RCOR1: variants seen among roughly 807,000 people sequenced by gnomAD.
The protein encoded by RCOR1 is REST corepressor.
In RCOR1, 12 loss-of-function variants were observed where a neutral mutation model predicts 64.0. The ratio of observed to expected loss-of-function variants is 0.19; its 90% CI spans 0.12 to 0.30. The LOEUF (loss-of-function observed/expected upper bound fraction) is 0.30, where lower values mean the gene tolerates loss of function less well. Among genes scored for constraint, RCOR1 ranks in the 10% least tolerant of loss-of-function variants. The probability of loss-of-function intolerance (pLI) is 1.00; values close to 1 mark genes in which losing one functional copy is unlikely to be tolerated. For missense variants in RCOR1, 502 were observed against 621.2 expected, an observed-to-expected ratio of 0.81 and a Z score of 2.04; for synonymous variants, 279 against 227.2, an observed-to-expected ratio of 1.23 and a Z score of -2.05.
At chr14:102,678,435 G>T (rs2139957861) in intron 2 of RCOR1, among the ~76,000 whole-genome samples, 1 of 152,116 alleles carries the variant, frequency 6.6e-6, no homozygotes, top group East Asian at 1.9e-4. Flanking sequence ...GAGTAGCTGG[G>T]TCTGCAGGCA....
chr14:102,658,257 G>C (rs1166688424), intron 2 of RCOR1, among the ~76,000 whole-genome samples: 1 of 152,140 alleles, frequency 6.6e-6, no homozygotes, highest in African/African-American at 2.4e-5. Flanking sequence ...TTACAGGTGT[G>C]AGCCACTGTG....
chr14:102,707,048 T>C (rs952000237), intron 4 of RCOR1, among the ~76,000 whole-genome samples: 6 of 152,180 alleles, frequency 3.9e-5, no homozygotes, highest in African/African-American at 1.4e-4. Context: ...TTAAAACATA[T>C]TGCATATTGT....
At chr14:102,644,359 A>AG (rs1894436889) in intron 2 of RCOR1, among the ~76,000 whole-genome samples, 1 of 152,228 alleles carries the variant, frequency 6.6e-6, no homozygotes, top group South Asian at 2.1e-4. Flanking sequence ...CAGGGAACAT[A>AG]GATTCCATCT....
rs544341623 is a variant in RCOR1, at chr14:102,729,015, G to A, written c.*2509G>A. 7.2e-5 allele frequency: 11 copies of A among 152,734 alleles called. No individual in the cohort carries two copies. The East Asian group carries it at 2.1e-3, about 29-fold the overall frequency. 9.5% of individuals were successfully genotyped at this position (152,734 alleles called of 1,614,324 possible). ...ATATCAAGAATTAGGTGCATTGGCA[G>A]GTAGGGTTTGGGGTGTGATAACTGC... is the stretch of plus-strand genomic sequence containing the variant. On this transcript the variant is annotated 3_prime_UTR_variant, in exon 12 of 12. Coordinates refer to ENST00000262241, the MANE Select transcript of RCOR1 (RefSeq NM_015156.4).
At chr14:102,666,774 T>G (rs1326298584) in intron 2 of RCOR1, among the ~76,000 whole-genome samples, 1 of 152,168 alleles carries the variant, frequency 6.6e-6, no homozygotes, top group East Asian at 1.9e-4. Context: ...AGAGTGCCAT[T>G]TCATCCCATC....
At chr14:102,702,879 C>T (rs528619926) in intron 4 of RCOR1, among the ~76,000 whole-genome samples, 1 of 152,254 alleles carries the variant, frequency 6.6e-6, no homozygotes, top group East Asian at 1.9e-4. Context: ...TCAACAGAAA[C>T]TGTCCCTGGG....
Position 102,677,181 on chromosome 14 carries a change from C to T in RCOR1, c.362-4714C>T, listed in dbSNP as rs1276278853. On this transcript the variant is annotated intron_variant, in intron 2 of 11. Coordinates refer to ENST00000262241, the MANE Select transcript of RCOR1 (RefSeq NM_015156.4). ...GGCTGACCCCCCCCCACCTCCCTCC[C>T]GGACGGGGCGGCTGGCCGGGCAGGG... Among the ~76,000 whole-genome samples, 15 of 139,480 alleles carry T rather than the reference C, an allele frequency of 1.1e-4. No homozygotes were observed. The South Asian group carries it at 1.9e-3, about 17-fold the overall frequency. 91.5% of individuals were successfully genotyped at this position (139,480 alleles called of 152,430 possible). A position where few individuals can be genotyped will look rare whatever the true frequency, so the allele number is the denominator to read the frequency against.
At chr14:102,691,815 T>C (rs2139969950) in intron 3 of RCOR1, among the ~76,000 whole-genome samples, 2 of 152,382 alleles carry the variant, frequency 1.3e-5, no homozygotes, top group East Asian at 3.9e-4. Flanking sequence ...TGTTCAGTTT[T>C]AGTTTATCCT....
chr14:102,708,114 C>T (rs972754784), intron 5 of RCOR1, among the ~76,000 whole-genome samples: 15 of 151,962 alleles, frequency 9.9e-5, no homozygotes, highest in African/African-American at 2.7e-4. Flanking sequence ...TATAGGCGCC[C>T]GCTACCACGC....
chr14:102,602,498 G>A (rs1012632339), intron 2 of RCOR1, among the ~76,000 whole-genome samples: 2 of 148,682 alleles, frequency 1.3e-5, no homozygotes, highest in African/African-American at 5.0e-5. Flanking sequence ...CCGCCTCCCC[G>A]GTTCAAGTGA....
intron 2 of RCOR1, among the ~76,000 whole-genome samples, chr14:102,602,224 C>G (rs1237983742): frequency 1.3e-5 from 2 of 151,784 alleles, no homozygotes; most frequent in African/African-American, 4.8e-5. Context: ...ATGGAATAAT[C>G]TATGCTATTC....
At chr14:102,694,105 G>A (rs147689243) in intron 3 of RCOR1, among the ~76,000 whole-genome samples, 2 of 152,268 alleles carry the variant, frequency 1.3e-5, no homozygotes, top group East Asian at 1.9e-4. Flanking sequence ...CTTGAAAAAT[G>A]CACTTTTCAT....
At chr14:102,652,972 C>T (rs1011817909) in intron 2 of RCOR1, among the ~76,000 whole-genome samples, 8 of 152,044 alleles carry the variant, frequency 5.3e-5, no homozygotes, top group African/African-American at 1.7e-4. Flanking sequence ...TTCGCTTTGT[C>T]GCCAGGCTGG....
At chr14:102,657,274 A>G (rs890427999) in intron 2 of RCOR1, 1 of 985,342 alleles carries the variant, frequency 1.0e-6, no homozygotes, top group Non-Finnish European at 1.2e-6. Context: ...ACCTGTATGT[A>G]TGCTTTTGGT....
chr14:102,602,431 CTT>C (rs148770378), intron 2 of RCOR1, among the ~76,000 whole-genome samples: 3,002 of 95,284 alleles, frequency 0.032, 107 homozygotes, highest in African/African-American at 0.1. Context: ...GAGTTTCGCT[CTT>C]GTTTTGTTCC....
At chr14:102,658,014 G>A in intron 2 of RCOR1, 9 of 883,202 alleles carry the variant, frequency 1.0e-5, no homozygotes, top group Non-Finnish European at 1.2e-5. Context: ...TTGCTCTGTT[G>A]CCCAGGCTGG....
chr14:102,647,406 T>G lies in RCOR1; in HGVS notation c.362-34489T>G, dbSNP rs1595211023. ...ATCTCGGCTCACTGCACCCTCCGCCTCCTGGGTTCAACCAGTTCTCCTGCC... is the reference window on the plus strand; with the variant it reads ...ATCTCGGCTCACTGCACCCTCCGCCGCCTGGGTTCAACCAGTTCTCCTGCC... On this transcript the variant is annotated intron_variant, in intron 2 of 11. Coordinates refer to ENST00000262241, the MANE Select transcript of RCOR1 (RefSeq NM_015156.4). Among the ~76,000 whole-genome samples the G allele has an allele frequency of 2.6e-5, 4 of 151,626 alleles. 1 individual carries two copies. Among genetic ancestry groups the G allele is most frequent in the Admixed American group, 2.6e-4 (4 of 15,226 alleles).
chr14:102,656,782 C>CTTT (rs540519475), intron 2 of RCOR1, among the ~76,000 whole-genome samples: 8 of 144,426 alleles, frequency 5.5e-5, no homozygotes, highest in South Asian at 4.3e-4. Context: ...CTTTTCTTTT[C>CTTT]TTTTTTTTTT....
intron 2 of RCOR1, chr14:102,657,490 T>C: frequency 8.1e-6 from 8 of 983,802 alleles, no homozygotes; most frequent in Non-Finnish European, 8.4e-6. Context: ...GAGATTTTGG[T>C]TTATTAATCT....
Sources: gnomAD v4.1 joint callset for allele counts (sites outside exome capture counted in the v4.1 genomes callset) on GRCh38, gnomAD v4.1.1 for gene constraint, MANE v1.5 for transcripts, NCBI Gene and HGNC (gene_info 2026-07-23, HGNC 2026-07-21) for gene names.